Variants in NDST3 observed in about 807,000 individuals in gnomAD.
The protein encoded by NDST3 is N-deacetylase and N-sulfotransferase 3.
In NDST3, 58 loss-of-function variants were observed where a neutral mutation model predicts 96.1. The ratio of observed to expected loss-of-function variants is 0.60; its 90% CI spans 0.49 to 0.75. The LOEUF (loss-of-function observed/expected upper bound fraction) is 0.75. NDST3 is among the 30% of genes least tolerant of loss of function. NDST3 has a pLI of 0.00. For synonymous variants in NDST3, 333 were observed against 359.7 expected (o/e 0.93, Z 0.84); for missense variants, 788 against 1,034.2 (o/e 0.76, Z 3.27).
At chr4:118,211,789 C>T (rs918786612) in intron 6 of NDST3, among the ~76,000 whole-genome samples, 5 of 152,020 alleles carry the variant, frequency 3.3e-5, no homozygotes, top group African/African-American at 1.2e-4. Flanking sequence ...AAGTACAGTC[C>T]GTAAATCTGT....
At chr4:118,060,423 AT>A (rs1560613932) in intron 2 of NDST3, among the ~76,000 whole-genome samples, 1 of 151,838 alleles carries the variant, frequency 6.6e-6, no homozygotes, top group Admixed American at 6.6e-5. Context: ...TTTTTTATAT[AT>A]TTTTAATCTC....
intron 2 of NDST3, among the ~76,000 whole-genome samples, chr4:118,103,670 G>A (rs954413887): frequency 6.6e-6 from 1 of 152,060 alleles, no homozygotes; most frequent in South Asian, 2.1e-4. Context: ...CACCTTGTAA[G>A]GACCTAACCT....
chr4:118,253,212 A>T (rs978872670), intron 12 of NDST3, among the ~76,000 whole-genome samples: 1 of 152,222 alleles, frequency 6.6e-6, no homozygotes, highest in African/African-American at 2.4e-5. Context: ...AGATGAAGGA[A>T]GTAGCCTTAT....
chr4:118,040,500 T>G (rs1258121190), intron 1 of NDST3, among the ~76,000 whole-genome samples: 2 of 152,126 alleles, frequency 1.3e-5, no homozygotes, highest in Admixed American at 1.3e-4. Context: ...TGGGCTTATG[T>G]GCTTCCCACA....
At chr4:118,246,530 T>C (rs1051875372) in intron 12 of NDST3, among the ~76,000 whole-genome samples, 13 of 151,960 alleles carry the variant, frequency 8.6e-5, no homozygotes, top group African/African-American at 2.9e-4. Flanking sequence ...CACTTGAACC[T>C]GAGAGGCGGA....
chr4:118,185,005 A>C (rs1736850206), intron 6 of NDST3, among the ~76,000 whole-genome samples: 1 of 152,236 alleles, frequency 6.6e-6, no homozygotes, highest in Non-Finnish European at 1.5e-5. Flanking sequence ...AAGGATAATA[A>C]ATATGAGTCA....
At chr4:118,039,233 C>A (rs947549225) in intron 1 of NDST3, among the ~76,000 whole-genome samples, 1 of 151,998 alleles carries the variant, frequency 6.6e-6, no homozygotes, top group African/African-American at 2.4e-5. Flanking sequence ...TCTGGATATG[C>A]CTGATTTATG....
Position 118,197,755 on chromosome 4 carries a change from T to G in NDST3, c.1540-26736T>G, listed in dbSNP as rs539447369. ...TCATTGGGTCTCAGTTTTTGGGGGG[T>G]TTTTTGGTGTGTTTTGTTTTGTTTT... On this transcript the variant is annotated intron_variant, in intron 6 of 13. Coordinates refer to ENST00000296499, the MANE Select transcript of NDST3 (RefSeq NM_004784.3). 5.1e-3 allele frequency among the ~76,000 whole-genome samples: 772 copies of G among 151,142 alleles called. 8 individuals are homozygous for G. The highest frequency in any genetic ancestry group is 0.018 in the African/African-American group (729 of 41,064).
chr4:118,207,537 C>T (rs1295107023), intron 6 of NDST3, among the ~76,000 whole-genome samples: 1 of 145,062 alleles, frequency 6.9e-6, no homozygotes, highest in Non-Finnish European at 1.5e-5. Context: ...CAAAGTCACA[C>T]AAGTGATGAC....
rs375385456 is a variant in NDST3 at position 118,132,152 on chromosome 4, G to A, written c.1225-5902G>A. Among the ~76,000 whole-genome samples the A allele has an allele frequency of 2.4e-4, 37 of 152,248 alleles. No individual in the cohort carries two copies. The East Asian group carries it at 3.1e-3, about 13-fold the overall frequency. ...AAGTTTGTGTCCTTCCCTTCAGAGC[G>A]GCAAGTTCCTCCAGGCCCCAGGCAG... On this transcript the variant is annotated intron_variant, in intron 4 of 13. Coordinates refer to ENST00000296499, the MANE Select transcript of NDST3 (RefSeq NM_004784.3).
intron 2 of NDST3, among the ~76,000 whole-genome samples, chr4:118,064,395 A>C (rs978114825): frequency 3.9e-5 from 6 of 152,122 alleles, no homozygotes; most frequent in African/African-American, 1.2e-4. Context: ...TGAATAATGA[A>C]ACTGGAGACT....
chr4:118,118,735 A>G (rs992357464), intron 4 of NDST3, among the ~76,000 whole-genome samples: 1 of 152,228 alleles, frequency 6.6e-6, no homozygotes, highest in African/African-American at 2.4e-5. Context: ...CTGCAATTTC[A>G]ACAGGGGATT....
chr4:118,244,758 G>T (rs1283605464), intron 12 of NDST3, among the ~76,000 whole-genome samples: 1 of 152,100 alleles, frequency 6.6e-6, no homozygotes, highest in Non-Finnish European at 1.5e-5. Context: ...TGTCAAGATT[G>T]TTGTTTATTC....
At chr4:118,126,396 T>C (rs965991270) in intron 4 of NDST3, among the ~76,000 whole-genome samples, 1 of 151,962 alleles carries the variant, frequency 6.6e-6, no homozygotes, top group Admixed American at 6.6e-5. Context: ...GTCTTGGTTA[T>C]TTCACTTAAC....
intron 2 of NDST3, among the ~76,000 whole-genome samples, chr4:118,093,620 T>G (rs916903415): frequency 5.3e-5 from 8 of 151,900 alleles, no homozygotes; most frequent in Admixed American, 4.6e-4. Flanking sequence ...TTTAACATCT[T>G]TCTTCGCAAT....
intron 10 of NDST3, among the ~76,000 whole-genome samples, chr4:118,238,440 C>T (rs1173070111): frequency 6.6e-6 from 1 of 151,994 alleles, no homozygotes; most frequent in Admixed American, 6.6e-5. Flanking sequence ...TCTTTTAAAA[C>T]TTGTTTCGGT....
At position 118,038,763 on chromosome 4, in the gene NDST3, A is replaced by C. The variant is rs1049679392; in HGVS notation, c.-156+4171A>C. 3.3e-5 allele frequency among the ~76,000 whole-genome samples: 5 copies of C among 152,292 alleles called. No individual in the cohort carries two copies. In the East Asian group the frequency reaches 9.6e-4, roughly 29 times the overall value. ...AAGGAATATTGTCAGGATCTTTTAA[A>C]TATCTTTCATTTATGTTAGAACCTG... On this transcript the variant is annotated intron_variant, in intron 1 of 13. Transcript: ENST00000296499.
At chr4:118,183,596 C>T (rs997803206) in intron 6 of NDST3, among the ~76,000 whole-genome samples, 1 of 152,140 alleles carries the variant, frequency 6.6e-6, no homozygotes, top group South Asian at 2.1e-4. Context: ...GTTTTCCTCT[C>T]AAGAACTAGA....
At chr4:118,235,264 C>A (rs902362639) in intron 9 of NDST3, among the ~76,000 whole-genome samples, 1 of 152,182 alleles carries the variant, frequency 6.6e-6, no homozygotes, top group Non-Finnish European at 1.5e-5. Context: ...CCTGAATTTA[C>A]ATTCTATAAA....
Sources: gnomAD v4.1 joint callset for allele counts (sites outside exome capture counted in the v4.1 genomes callset) on GRCh38, gnomAD v4.1.1 for gene constraint, MANE v1.5 for transcripts, NCBI Gene and HGNC (gene_info 2026-07-23, HGNC 2026-07-21) for gene names.